Variants in FNBP1 observed in about 807,000 individuals in gnomAD.
The protein encoded by FNBP1 is formin binding protein 1, also known as formin-binding protein 1.
A neutral mutation model predicts 90.6 loss-of-function variants in FNBP1; 26 were observed. That is an observed-to-expected ratio of 0.29 (90% CI 0.21 to 0.40). The LOEUF is 0.40. FNBP1 is among the 10% of genes least tolerant of loss of function. The pLI, the probability that FNBP1 is intolerant of heterozygous loss-of-function variation, is 1.00. For missense variants in FNBP1, 635 were observed against 768.0 expected (o/e 0.83, Z 2.05); for synonymous variants, 260 against 265.2 (o/e 0.98, Z 0.19).
At chr9:130,019,838 G>A (rs937662778) in intron 1 of FNBP1, among the ~76,000 whole-genome samples, 3 of 151,988 alleles carry the variant, frequency 2.0e-5, no homozygotes, top group Admixed American at 2.0e-4. Flanking sequence ...GATTACAGGC[G>A]TGAGCCACCG....
the FNBP1 span, among the ~76,000 whole-genome samples, chr9:130,052,815 A>T: frequency 6.6e-6 from 1 of 152,216 alleles, no homozygotes; most frequent in African/African-American, 2.4e-5. Context: ...TTTAAAAGAT[A>T]AAAAGTACTC....
At chr9:130,017,744 C>CACTTG (rs2057380026) in intron 1 of FNBP1, among the ~76,000 whole-genome samples, 1 of 151,530 alleles carries the variant, frequency 6.6e-6, no homozygotes, top group South Asian at 2.1e-4. Flanking sequence ...GCAGGAGAAT[C>CACTTG]ACTTGAACCC....
At chr9:130,021,761 T>C (rs1359577378) in intron 1 of FNBP1, among the ~76,000 whole-genome samples, 2 of 152,224 alleles carry the variant, frequency 1.3e-5, no homozygotes, top group African/African-American at 2.4e-5. Flanking sequence ...TCAATTGTTT[T>C]ATACAGCATT....
chr9:129,988,974 T>C (rs1366277073), intron 2 of FNBP1, among the ~76,000 whole-genome samples: 1 of 152,336 alleles, frequency 6.6e-6, no homozygotes, highest in Admixed American at 6.5e-5. Context: ...TTCAACATCA[T>C]ATTACTATTT....
chr9:129,978,674 T>C, intron 3 of FNBP1, 62 bp from the exon 4 acceptor site: 1 of 1,509,504 alleles, frequency 6.6e-7, no homozygotes, highest in Non-Finnish European at 9.0e-7. Context: ...ATATTCTGCT[T>C]TACACCAAGA....
At chr9:129,894,948 C>T (rs2131187718) in intron 16 of FNBP1, among the ~76,000 whole-genome samples, 1 of 152,246 alleles carries the variant, frequency 6.6e-6, no homozygotes, top group South Asian at 2.1e-4. Context: ...ATCCCAGCTA[C>T]TCGGGAGGCT....
intron 7 of FNBP1, among the ~76,000 whole-genome samples, chr9:129,928,130 C>T (rs2042188351): frequency 1.3e-5 from 2 of 152,060 alleles, no homozygotes; most frequent in South Asian, 4.1e-4. Flanking sequence ...ATTTTTTCTA[C>T]AATTGGACTC....
intron 1 of FNBP1, among the ~76,000 whole-genome samples, chr9:130,036,199 A>C (rs1319228575): frequency 6.6e-6 from 1 of 152,174 alleles, no homozygotes; most frequent in Non-Finnish European, 1.5e-5. Flanking sequence ...AGTAGCTTTC[A>C]ATTTTTAAGT....
intron 12 of FNBP1, among the ~76,000 whole-genome samples, chr9:129,908,201 T>C: frequency 2.3e-5 from 2 of 85,840 alleles, no homozygotes; most frequent in African/African-American, 7.8e-5. Flanking sequence ...CTGGTCTCTC[T>C]CTCTTTTTTT....
intron 11 of FNBP1, chr9:129,910,207 G>A (rs2038984253): frequency 2.2e-6 from 1 of 456,078 alleles, no homozygotes; most frequent in Non-Finnish European, 4.4e-6. Flanking sequence ...TTCGTGCTGG[G>A]CACGGTGGCT....
intron 1 of FNBP1, among the ~76,000 whole-genome samples, chr9:130,003,004 T>C (rs2055088885): frequency 6.6e-6 from 1 of 152,172 alleles, no homozygotes; most frequent in African/African-American, 2.4e-5. Context: ...ATTGTGTTAA[T>C]CAATATGCAA....
chr9:129,919,989 G>A (rs748701882), intron 10 of FNBP1, among the ~76,000 whole-genome samples: 13 of 152,276 alleles, frequency 8.5e-5, no homozygotes, highest in African/African-American at 3.1e-4. Context: ...TTGAGCTTGT[G>A]CTTCCTCTTT....
At chr9:129,978,677 C>T (rs2050727108) in intron 3 of FNBP1, 65 bp from the exon 4 acceptor site, 2 of 1,495,240 alleles carry the variant, frequency 1.3e-6, no homozygotes, top group Admixed American at 4.0e-5. Flanking sequence ...TTCTGCTTTA[C>T]ACCAAGAAAA....
chr9:129,929,646 G>C lies in FNBP1; in HGVS notation c.563C>G (p.Ala188Gly). Residue 188 changes from alanine to glycine, a missense_variant, in exon 7 of 17, where the codon GCA becomes GGA. Physicochemically the swap from Ala to Gly is moderately conservative, Grantham distance 60. Transcript: ENST00000446176. The part of the protein sequence containing the change: ...IRHQMAEDSK[A>G]DYSSILQKFN... ...TTTCTGGAGAATGGATGAGTAATCT[G>C]CTTTGCTGTCCTCTGCCATTTGGTG... 6.2e-7 allele frequency: 1 copy of C among 1,613,832 alleles called. No homozygotes were observed. Among genetic ancestry groups the C allele is most frequent in the Non-Finnish European group, 8.5e-7 (1 of 1,179,770 alleles).
Position 129,900,475 on chromosome 9 carries a change from C to T in FNBP1, c.1501G>A (p.Asp501Asn), listed in dbSNP as rs552645500. 3 of 1,605,182 alleles carry T rather than the reference C, an allele frequency of 1.9e-6. No homozygotes were observed. The highest frequency in any genetic ancestry group is 2.7e-5 in the African/African-American group (2 of 74,504). Residue 501 changes from aspartate (D) to asparagine (N), a missense_variant, in exon 14 of 17, where the codon GAC becomes AAC. Coordinates refer to ENST00000446176, the MANE Select transcript of FNBP1 (RefSeq NM_015033.3). This position sits in a 1 kb window ranked among gnomAD's most constrained non-coding sequence, Gnocchi z 4.1. ...TTGACTGTGGGTGGGTTCTGGCTGT[C>T]GTACAGTCCGCTCTGCCGGCGCGCC... Reference protein sequence around the residue: ...EQARRQSGLYDSQNPPTVNNC... With the variant: ...EQARRQSGLYNSQNPPTVNNC...
In FNBP1 at chr9:129,887,652, G is replaced by A. The variant is rs965431631; in HGVS notation, c.*2887C>T. 14 of 219,504 alleles carry A rather than the reference G, an allele frequency of 6.4e-5. No homozygotes were observed. In the Admixed American group the frequency reaches 7.5e-4, roughly 12 times the overall value. The allele number at this position is 219,504 out of a possible 1,614,324, so 13.6% of individuals were successfully genotyped here. On this transcript the variant is annotated 3_prime_UTR_variant, in exon 17 of 17. Coordinates refer to ENST00000446176, the MANE Select transcript of FNBP1 (RefSeq NM_015033.3). ...GGTGAGCAGGATAAAAACCCCCAAG[G>A]AACAGCCCATGACAACCTTCTGTGC...
chr9:129,947,439 T>TA (rs1306560981), intron 6 of FNBP1, among the ~76,000 whole-genome samples: 1 of 113,384 alleles, frequency 8.8e-6, no homozygotes. Context: ...AAACTCCGTC[T>TA]CAAAAAAAAA....
chr9:130,049,865 TTG>T, the FNBP1 span, among the ~76,000 whole-genome samples: 2 of 152,272 alleles, frequency 1.3e-5, no homozygotes, highest in African/African-American at 4.8e-5. Context: ...TTTTCTTTTT[TTG>T]TGTGTGTTTT....
Position 129,966,346 on chromosome 9 carries a change from C to T in FNBP1, c.346-7793G>A, listed in dbSNP as rs545424974. ...CAGCTGGATGCCAGTGCCACTAGAC[C>T]AAGGTAAAGGGCACAGGGACGGAGG... On this transcript the variant is annotated intron_variant, in intron 4 of 16. Coordinates refer to ENST00000446176, the MANE Select transcript of FNBP1 (RefSeq NM_015033.3). The surrounding 1 kb of genome is among the most constrained non-coding windows in gnomAD (Gnocchi z 4.3). Among the ~76,000 whole-genome samples the T allele has an allele frequency of 1.4e-3, 213 of 152,202 alleles. 1 individual carries two copies. Among genetic ancestry groups the T allele is most frequent in the African/African-American group, 4.9e-3 (203 of 41,526 alleles).
Sources: allele counts gnomAD v4.1 joint callset (sites outside exome capture counted in the v4.1 genomes callset), GRCh38; gene constraint gnomAD v4.1.1; non-coding constraint Gnocchi (gnomAD v3.1); transcripts MANE v1.5; gene names NCBI Gene and HGNC (gene_info 2026-07-23, HGNC 2026-07-21).